FAT3: variants seen among roughly 807,000 people sequenced by gnomAD.
FAT3 encodes FAT atypical cadherin 3.
In FAT3, 95 loss-of-function variants were observed where a neutral mutation model predicts 310.2. The ratio of observed to expected loss-of-function variants is 0.31; its 90% confidence interval spans 0.26 to 0.36. The LOEUF is 0.36. Among genes scored for constraint, FAT3 ranks in the 10% least tolerant of loss-of-function variants. The pLI, the probability that FAT3 is intolerant of heterozygous loss-of-function variation, is 1.00. For synonymous variants in FAT3, 2,314 were observed against 2,192.9 expected, an observed-to-expected ratio of 1.06 and a Z score of -1.54; for missense variants, 5,408 against 5,715.6, an observed-to-expected ratio of 0.95 and a Z score of 1.74.
At chr11:92,486,129 G>GTTTTTTTT (rs1565353395) in intron 2 of FAT3, among the ~76,000 whole-genome samples, 291 of 27,606 alleles carry the variant, frequency 0.011, 15 homozygotes, top group African/African-American at 0.023. Flanking sequence ...AGGCTGCTGG[G>GTTTTTTTT]GTTTTTTTTT....
chr11:92,261,873 A>G (rs2078216183), intron 1 of FAT3, among the ~76,000 whole-genome samples: 1 of 152,018 alleles, frequency 6.6e-6, no homozygotes, highest in African/African-American at 2.4e-5. Flanking sequence ...ATTTAAAATT[A>G]CCCATATTTG....
Position 92,883,342 on chromosome 11 carries a change from C to G in FAT3, c.12886C>G (p.Arg4296Gly), listed in dbSNP as rs746895627. The G allele has an allele frequency of 8.1e-6, 13 of 1,610,006 alleles. No homozygotes were observed. Among genetic ancestry groups the G allele is most frequent in the Non-Finnish European group, 1.0e-5 (12 of 1,178,296 alleles). ...APNLPAVSPC[R>G]SDCDSIRKNG... The stretch of plus-strand genomic sequence containing the variant: ...CAACCTCCCCGCCGTGTCACCCTGC[C>G]GCTCCGACTGCGACTCCATCCGGAA... The change falls in exon 24 of 28, where the codon CGC (arginine) becomes GGC (glycine). Residue 4296 changes from arginine (R) to glycine (G), a missense_variant. Physicochemically the swap from Arg to Gly is moderately radical, Grantham distance 125. Coordinates refer to ENST00000525166, the MANE Select transcript of FAT3 (RefSeq NM_001367949.2). The surrounding 1 kb of genome is among the most constrained non-coding windows in gnomAD (Gnocchi z 4.2).
intron 1 of FAT3, among the ~76,000 whole-genome samples, chr11:92,233,980 G>A (rs1312812864): frequency 1.3e-5 from 2 of 152,156 alleles, no homozygotes; most frequent in Admixed American, 1.3e-4. Context: ...AAGAGAAAGA[G>A]GGAGATGCAG....
chr11:92,256,438 T>G (rs939966975), intron 1 of FAT3, among the ~76,000 whole-genome samples: 1 of 151,882 alleles, frequency 6.6e-6, no homozygotes, highest in Admixed American at 6.6e-5. Flanking sequence ...TGTGACTCAT[T>G]TATAGAGTTG....
intron 3 of FAT3, among the ~76,000 whole-genome samples, chr11:92,551,414 T>TTTTTTGTGTGTG (rs139398937): frequency 1.9e-4 from 24 of 128,968 alleles, no homozygotes; most frequent in African/African-American, 6.9e-4. Context: ...TTTTTTTGTT[T>TTTTTTGTGTGTG]TGTGTGTGTG....
At chr11:92,709,291 A>G (rs566018828) in intron 4 of FAT3, among the ~76,000 whole-genome samples, 10 of 152,330 alleles carry the variant, frequency 6.6e-5, no homozygotes, top group Middle Eastern at 3.4e-3. Flanking sequence ...CAAAACCTCA[A>G]TCGTGTAGAA....
intron 3 of FAT3, among the ~76,000 whole-genome samples, chr11:92,650,913 A>G (rs989401694): frequency 2.0e-5 from 3 of 152,256 alleles, no homozygotes; most frequent in Non-Finnish European, 2.9e-5. Flanking sequence ...ACAATCATTC[A>G]GTAATGGATA....
At chr11:92,568,485 T>A (rs1955554996) in intron 3 of FAT3, among the ~76,000 whole-genome samples, 1 of 152,144 alleles carries the variant, frequency 6.6e-6, no homozygotes, top group African/African-American at 2.4e-5. Context: ...GGATTGATGC[T>A]AGCAATGGAA....
chr11:92,454,468 CA>C (rs1434499798), intron 2 of FAT3, among the ~76,000 whole-genome samples: 1 of 152,138 alleles, frequency 6.6e-6, no homozygotes, highest in Non-Finnish European at 1.5e-5. Flanking sequence ...TATAGGAACT[CA>C]ACATTTATAT....
At chr11:92,494,056 T>C (rs545260619) in intron 2 of FAT3, among the ~76,000 whole-genome samples, 1 of 150,758 alleles carries the variant, frequency 6.6e-6, no homozygotes, top group South Asian at 2.1e-4. Flanking sequence ...TTGGTAAAAA[T>C]GTGATGTTTT....
intron 3 of FAT3, among the ~76,000 whole-genome samples, chr11:92,692,977 A>C (rs1943839339): frequency 6.6e-6 from 1 of 152,200 alleles, no homozygotes; most frequent in Admixed American, 6.5e-5. Context: ...CATCCTTACA[A>C]GTATCACTTC....
At chr11:92,684,783 GCTAT>G (rs1943582000) in intron 3 of FAT3, among the ~76,000 whole-genome samples, 2 of 152,108 alleles carry the variant, frequency 1.3e-5, no homozygotes, top group Non-Finnish European at 2.9e-5. Flanking sequence ...GGTATTTGCA[GCTAT>G]CTGATTCTTC....
intron 13 of FAT3, among the ~76,000 whole-genome samples, chr11:92,822,287 C>T (rs1230714335): frequency 2.0e-5 from 3 of 151,916 alleles, no homozygotes; most frequent in East Asian, 3.9e-4. Context: ...CACTCATGTG[C>T]TACCTCATTT....
At chr11:92,564,902 T>C (rs1955372815) in intron 3 of FAT3, among the ~76,000 whole-genome samples, 1 of 139,766 alleles carries the variant, frequency 7.2e-6, no homozygotes, top group African/African-American at 2.6e-5. Flanking sequence ...TAGAGGGAAA[T>C]TTATAGCACT....
chr11:92,559,383 CTTTTTTT>C (rs386374501), intron 3 of FAT3: 32 of 143,958 alleles, frequency 2.2e-4, no homozygotes, highest in South Asian at 7.0e-4. Context: ...ACTTATTTTC[CTTTTTTT>C]TTTTTTTTTT....
chr11:92,600,613 A>C lies in FAT3; in HGVS notation c.3607+75665A>C, dbSNP rs566422277. Among the ~76,000 whole-genome samples, 397 of 152,338 alleles carry C rather than the reference A, an allele frequency of 2.6e-3. 4 individuals are homozygous for C. The highest frequency in any genetic ancestry group is 2.2e-3 in the Admixed American group (34 of 15,306). On this transcript the variant is annotated intron_variant, in intron 3 of 27. Transcript: ENST00000525166. ...GTTAATTGAGTGTCTACTATTTGCCAGGATGTGTTGTAAGTGCAGAAGATA... is the reference window on the plus strand; with the variant it reads ...GTTAATTGAGTGTCTACTATTTGCCCGGATGTGTTGTAAGTGCAGAAGATA...
chr11:92,592,720 G>A (rs1181959945), intron 3 of FAT3, among the ~76,000 whole-genome samples: 1 of 152,032 alleles, frequency 6.6e-6, no homozygotes, highest in East Asian at 1.9e-4. Flanking sequence ...GAAAATTTGA[G>A]CACTAATGGA....
intron 1 of FAT3, among the ~76,000 whole-genome samples, chr11:92,349,979 G>GA (rs34283403): frequency 2.4e-3 from 297 of 124,404 alleles, no homozygotes; most frequent in Middle Eastern, 4.4e-3. Flanking sequence ...AGGTGGAGCT[G>GA]AAAAAAAAAA....
chr11:92,715,408 A>G (rs1486365185), intron 4 of FAT3, among the ~76,000 whole-genome samples: 2 of 151,806 alleles, frequency 1.3e-5, no homozygotes, highest in Non-Finnish European at 2.9e-5. Context: ...ACTCTGTCTC[A>G]AAAAAATAAA....
Sources: allele counts gnomAD v4.1 joint callset (sites outside exome capture counted in the v4.1 genomes callset), GRCh38; gene constraint gnomAD v4.1.1; non-coding constraint Gnocchi (gnomAD v3.1); transcripts MANE v1.5; gene names NCBI Gene and HGNC (gene_info 2026-07-23, HGNC 2026-07-21).